Variants in TAFA2 observed in about 807,000 individuals in gnomAD.
The protein encoded by TAFA2 is chemokine-like protein TAFA-2.
A neutral mutation model predicts 18.8 loss-of-function variants in TAFA2; 7 were observed. The observed-to-expected ratio is 0.37, with a 90% CI of 0.21 to 0.70. The LOEUF is 0.70. TAFA2 is among the 30% of genes least tolerant of loss of function. The probability of loss-of-function intolerance (pLI) is 0.53; values close to 1 mark genes in which losing one functional copy is unlikely to be tolerated. For missense variants in TAFA2, 122 were observed against 158.1 expected (o/e 0.77, Z 1.23); for synonymous variants, 60 against 54.2 (o/e 1.11, Z -0.47).
chr12:61,869,288 T>G (rs139743099), intron 1 of TAFA2, among the ~76,000 whole-genome samples: 7 of 152,332 alleles, frequency 4.6e-5, no homozygotes, highest in Middle Eastern at 3.4e-3. Flanking sequence ...CAGATTATTT[T>G]CATTGTCAGT....
At chr12:61,980,705 C>G (rs572811350) in intron 1 of TAFA2, among the ~76,000 whole-genome samples, 1 of 152,254 alleles carries the variant, frequency 6.6e-6, no homozygotes, top group Admixed American at 6.5e-5. Context: ...CTCCCATTCA[C>G]AATTGCTACA....
intron 1 of TAFA2, among the ~76,000 whole-genome samples, chr12:61,924,470 T>C (rs1004122913): frequency 3.9e-5 from 6 of 152,146 alleles, no homozygotes; most frequent in African/African-American, 1.4e-4. Context: ...CAACACATAA[T>C]TTCATATCCA....
chr12:62,062,337 C>T lies in TAFA2; in HGVS notation c.-2+128922G>A, dbSNP rs1407361310. Reference sequence around the variant, plus strand: ...TTGGGAGAACTCACACTTCTTGCATCTGGAGGGGAACACTGATGGGGCGTA... The same window carrying T: ...TTGGGAGAACTCACACTTCTTGCATTTGGAGGGGAACACTGATGGGGCGTA... On this transcript the variant is annotated intron_variant, in intron 1 of 4. Transcript: ENST00000416284. 7.9e-5 allele frequency among the ~76,000 whole-genome samples: 12 copies of T among 152,156 alleles called. No individual in the cohort carries two copies. The East Asian group carries it at 2.1e-3, about 27-fold the overall frequency.
chr12:61,998,392 A>T (rs1056220713), intron 1 of TAFA2, among the ~76,000 whole-genome samples: 3 of 152,204 alleles, frequency 2.0e-5, no homozygotes, highest in African/African-American at 7.2e-5. Flanking sequence ...TCTTAAAAAG[A>T]TAGCGCTCTC....
intron 2 of TAFA2, among the ~76,000 whole-genome samples, chr12:61,763,838 G>A: frequency 6.6e-6 from 1 of 151,896 alleles, no homozygotes; most frequent in Non-Finnish European, 1.5e-5. Context: ...AGCTGCCTTG[G>A]TGTATGCCCT....
intron 1 of TAFA2, among the ~76,000 whole-genome samples, chr12:62,101,125 T>A (rs565873348): frequency 6.6e-6 from 1 of 151,704 alleles, no homozygotes; most frequent in Non-Finnish European, 1.5e-5. Flanking sequence ...TTCTCAAGAG[T>A]GCCCCAGAAT....
intron 2 of TAFA2, among the ~76,000 whole-genome samples, chr12:61,794,986 T>C (rs1565636344): frequency 6.6e-6 from 1 of 152,104 alleles, no homozygotes; most frequent in South Asian, 2.1e-4. Context: ...AAAATGCTCA[T>C]CATCACTGGC....
chr12:61,823,688 T>C (rs1279459951), intron 2 of TAFA2, among the ~76,000 whole-genome samples: 1 of 152,124 alleles, frequency 6.6e-6, no homozygotes, highest in Non-Finnish European at 1.5e-5. Flanking sequence ...AACCAGCAAA[T>C]AAATGTAGCC....
intron 2 of TAFA2, among the ~76,000 whole-genome samples, chr12:61,796,686 A>T (rs1380768939): frequency 6.6e-6 from 1 of 152,296 alleles, no homozygotes; most frequent in East Asian, 1.9e-4. Flanking sequence ...TTACTATTAA[A>T]ATTGTGCTTT....
At chr12:62,230,101 A>G (rs1330267189) in intron 1 of TAFA2, among the ~76,000 whole-genome samples, 1 of 150,700 alleles carries the variant, frequency 6.6e-6, no homozygotes, top group Admixed American at 6.6e-5. Flanking sequence ...GATTTTATTT[A>G]TTTGGGTCTA....
chr12:61,910,334 A>G (rs1435499508), intron 1 of TAFA2, among the ~76,000 whole-genome samples: 1 of 152,166 alleles, frequency 6.6e-6, no homozygotes, highest in Admixed American at 6.5e-5. Flanking sequence ...TATGAATTAT[A>G]AGATATAACT....
chr12:62,001,922 C>T (rs1386055890), intron 1 of TAFA2, among the ~76,000 whole-genome samples: 2 of 152,098 alleles, frequency 1.3e-5, no homozygotes, highest in African/African-American at 4.8e-5. Flanking sequence ...GGTTTTAATA[C>T]AAATAAAACT....
At chr12:62,031,615 T>C (rs2136746543) in intron 1 of TAFA2, among the ~76,000 whole-genome samples, 1 of 152,252 alleles carries the variant, frequency 6.6e-6, no homozygotes, top group African/African-American at 2.4e-5. Context: ...CCAAGGAGGC[T>C]CTTGAAGGCA....
At chr12:61,868,829 T>C (rs1312003466) in intron 1 of TAFA2, among the ~76,000 whole-genome samples, 1 of 152,192 alleles carries the variant, frequency 6.6e-6, no homozygotes, top group Non-Finnish European at 1.5e-5. Context: ...TAAGTCAGAA[T>C]GCCGGGGTTT....
chr12:61,897,374 T>C (rs1017902293), intron 1 of TAFA2, among the ~76,000 whole-genome samples: 1 of 152,186 alleles, frequency 6.6e-6, no homozygotes, highest in Admixed American at 6.6e-5. Flanking sequence ...GCAACCATGA[T>C]ATAGTAGTCC....
intron 1 of TAFA2, among the ~76,000 whole-genome samples, chr12:61,935,660 A>G (rs1293377636): frequency 6.6e-6 from 1 of 152,178 alleles, no homozygotes; most frequent in Non-Finnish European, 1.5e-5. Flanking sequence ...CATTTTTTGA[A>G]AGATCAACTT....
At chr12:61,741,784 C>T (rs190077794) in intron 4 of TAFA2, among the ~76,000 whole-genome samples, 201 of 152,282 alleles carry the variant, frequency 1.3e-3, no homozygotes, top group Middle Eastern at 3.4e-3. Context: ...CAAAATCTAG[C>T]ACAATGTCTG....
intron 1 of TAFA2, among the ~76,000 whole-genome samples, chr12:62,249,065 T>C (rs12319332): frequency 6.7e-6 from 1 of 148,926 alleles, no homozygotes; most frequent in Non-Finnish European, 1.5e-5. Flanking sequence ...TGTTTAAAAA[T>C]TTTTTTTTTT....
chr12:61,958,008 T>A (rs1474134573), intron 1 of TAFA2, among the ~76,000 whole-genome samples: 2 of 152,058 alleles, frequency 1.3e-5, no homozygotes, highest in Non-Finnish European at 2.9e-5. Flanking sequence ...TACAATAGCA[T>A]CTCACCCCAG....
Sources: allele counts gnomAD v4.1 joint callset (sites outside exome capture counted in the v4.1 genomes callset), GRCh38; gene constraint gnomAD v4.1.1; transcripts MANE v1.5; gene names NCBI Gene and HGNC (gene_info 2026-07-23, HGNC 2026-07-21).